The following CCDC178 variants were observed in gnomAD, a reference collection of about 807,000 sequenced individuals.
CCDC178 encodes the protein coiled-coil domain containing 178.
In CCDC178, 126 loss-of-function variants were observed where a neutral mutation model predicts 117.4. That is an observed-to-expected ratio of 1.07 (90% CI 0.93 to 1.24). The LOEUF (loss-of-function observed/expected upper bound fraction) is 1.24. Among genes scored for constraint, CCDC178 ranks in the 50% most tolerant of loss-of-function variants. The pLI, the probability that CCDC178 is intolerant of heterozygous loss-of-function variation, is 0.00. For synonymous variants in CCDC178, 283 were observed against 313.4 expected (o/e 0.90, Z 1.02); for missense variants, 1,030 against 986.9 (o/e 1.04, Z -0.59).
At chr18:33,220,994 CG>C (rs971987635) in intron 18 of CCDC178, among the ~76,000 whole-genome samples, 2 of 152,012 alleles carry the variant, frequency 1.3e-5, no homozygotes, top group African/African-American at 4.8e-5. Context: ...CAAAGCCCTG[CG>C]TACCAGACAG....
In CCDC178 at chr18:33,001,314, T is replaced by C. The variant is rs538113968; in HGVS notation, c.2389-26633A>G. On this transcript the variant is annotated intron_variant, in intron 21 of 22. Transcript: ENST00000383096. ...GCGAGCGGATCACAAGGTCAGGAGATTGAGACAATCCTAGCTAACACAGTG... is the reference window on the plus strand; with the variant it reads ...GCGAGCGGATCACAAGGTCAGGAGACTGAGACAATCCTAGCTAACACAGTG... Among the ~76,000 whole-genome samples, 235 of 151,868 alleles carry C rather than the reference T, an allele frequency of 1.5e-3. 1 individual carries two copies. Among genetic ancestry groups the C allele is most frequent in the African/African-American group, 5.5e-3 (229 of 41,424 alleles).
intron 6 of CCDC178, among the ~76,000 whole-genome samples, chr18:33,357,881 C>CA (rs1303606268): frequency 1.3e-5 from 2 of 151,470 alleles, no homozygotes; most frequent in Non-Finnish European, 2.9e-5. Context: ...TTAATATATA[C>CA]ATATATAGTC....
chr18:33,045,291 G>A, intron 21 of CCDC178, among the ~76,000 whole-genome samples: 1 of 152,202 alleles, frequency 6.6e-6, no homozygotes, highest in East Asian at 1.9e-4. Context: ...TGCCTGTAGT[G>A]CTTAATATAT....
chr18:33,415,610 C>T (rs900323029), intron 2 of CCDC178, among the ~76,000 whole-genome samples: 16 of 151,942 alleles, frequency 1.1e-4, no homozygotes, highest in South Asian at 2.1e-4. Flanking sequence ...GACGAGTTAA[C>T]GGGTGCAGCA....
chr18:33,281,366 A>T (rs980961120), intron 12 of CCDC178, among the ~76,000 whole-genome samples: 4 of 152,082 alleles, frequency 2.6e-5, no homozygotes, highest in African/African-American at 9.7e-5. Context: ...AATAATTTAA[A>T]TCGTAAATTA....
chr18:33,072,168 A>G (rs1346050169), intron 21 of CCDC178, among the ~76,000 whole-genome samples: 2 of 152,088 alleles, frequency 1.3e-5, no homozygotes, highest in African/African-American at 2.4e-5. Context: ...CAGAGAGAAA[A>G]TTTGGTCTTT....
chr18:33,365,204 A>G (rs1290652358), intron 6 of CCDC178, among the ~76,000 whole-genome samples: 1 of 152,140 alleles, frequency 6.6e-6, no homozygotes, highest in Non-Finnish European at 1.5e-5. Flanking sequence ...GAGAGAACTC[A>G]AAGTATAAGA....
At chr18:33,215,307 T>A (rs1489705162) in intron 19 of CCDC178, among the ~76,000 whole-genome samples, 1 of 151,992 alleles carries the variant, frequency 6.6e-6, no homozygotes, top group Non-Finnish European at 1.5e-5. Flanking sequence ...TTCTCCTCCT[T>A]GGAAAGGGAG....
At position 33,245,236 on chromosome 18, in the gene CCDC178, A is replaced by G; in HGVS notation, c.1593+9T>C. 1 of 1,565,512 alleles carries G rather than the reference A, an allele frequency of 6.4e-7. No homozygotes were observed. The highest frequency in any genetic ancestry group is 1.3e-5 in the South Asian group (1 of 79,858). ...CATCATGAGTAAGAGGAACACAAAGATACACAACCTTGAACTTTCTTCTCA... is the reference window on the plus strand; with the variant it reads ...CATCATGAGTAAGAGGAACACAAAGGTACACAACCTTGAACTTTCTTCTCA... On this transcript the variant is annotated intron_variant, in intron 15 of 22. Transcript: ENST00000383096.
intron 20 of CCDC178, among the ~76,000 whole-genome samples, chr18:33,194,507 C>T (rs1211762698): frequency 6.6e-6 from 1 of 152,184 alleles, no homozygotes; most frequent in South Asian, 2.1e-4. Flanking sequence ...AGTGACTTCA[C>T]ATTCACCAAC....
chr18:33,109,535 T>C (rs1395628257), intron 20 of CCDC178, among the ~76,000 whole-genome samples: 1 of 151,718 alleles, frequency 6.6e-6, no homozygotes, highest in East Asian at 1.9e-4. Flanking sequence ...TATGTCGTTA[T>C]AGGGATTAAT....
intron 21 of CCDC178, among the ~76,000 whole-genome samples, chr18:33,075,651 G>A (rs56230036): frequency 0.069 from 10,529 of 152,114 alleles, 1,250 homozygotes; most frequent in African/African-American, 0.24. Context: ...CAACATTCTT[G>A]CCTTAATTTT....
intron 11 of CCDC178, among the ~76,000 whole-genome samples, chr18:33,307,109 C>A (rs895556647): frequency 6.6e-6 from 1 of 152,072 alleles, no homozygotes; most frequent in Non-Finnish European, 1.5e-5. Flanking sequence ...TAAATTGGTA[C>A]CAGTAGAGTG....
chr18:33,263,208 T>G (rs1397687932), intron 14 of CCDC178, among the ~76,000 whole-genome samples: 1 of 152,184 alleles, frequency 6.6e-6, no homozygotes, highest in Non-Finnish European at 1.5e-5. Flanking sequence ...CATAGCCTCA[T>G]GAATGGGATA....
At chr18:32,979,198 C>T (rs968025337) in intron 21 of CCDC178, among the ~76,000 whole-genome samples, 1 of 151,752 alleles carries the variant, frequency 6.6e-6, no homozygotes, top group Admixed American at 6.6e-5. Context: ...ACTTTGTCGC[C>T]CAGGCTGGAG....
At chr18:33,070,176 T>G (rs1158102769) in intron 21 of CCDC178, among the ~76,000 whole-genome samples, 1 of 152,008 alleles carries the variant, frequency 6.6e-6, no homozygotes, top group Non-Finnish European at 1.5e-5. Context: ...ACTACTGGGG[T>G]ATTTATCCAA....
intron 6 of CCDC178, among the ~76,000 whole-genome samples, chr18:33,357,938 G>A (rs2063078314): frequency 6.8e-6 from 1 of 147,394 alleles, no homozygotes; most frequent in Admixed American, 6.8e-5. Context: ...TCATTGCTAG[G>A]CAATTCTGTC....
chr18:33,294,632 A>G (rs1397025516), intron 11 of CCDC178, among the ~76,000 whole-genome samples: 1 of 152,198 alleles, frequency 6.6e-6, no homozygotes, highest in Non-Finnish European at 1.5e-5. Flanking sequence ...CATTCTTTAC[A>G]TTTCCATGTC....
At chr18:33,233,353 T>C (rs1284009564) in intron 15 of CCDC178, among the ~76,000 whole-genome samples, 1 of 152,144 alleles carries the variant, frequency 6.6e-6, no homozygotes, top group Non-Finnish European at 1.5e-5. Flanking sequence ...CAGTATCAAA[T>C]ATCAGTTTTT....
Sources: allele counts gnomAD v4.1 joint callset (sites outside exome capture counted in the v4.1 genomes callset), GRCh38; gene constraint gnomAD v4.1.1; transcripts MANE v1.5; gene names NCBI Gene and HGNC (gene_info 2026-07-23, HGNC 2026-07-21).